The following PATJ variants were observed in gnomAD, a reference collection of about 807,000 sequenced individuals.
PATJ encodes the protein inaD-like protein.
A neutral mutation model predicts 224.9 loss-of-function variants in PATJ; 190 were observed. The observed-to-expected ratio is 0.84, with a 90% CI of 0.75 to 0.95. The LOEUF (loss-of-function observed/expected upper bound fraction) is 0.95. Among genes scored for constraint, PATJ ranks in the 40% least tolerant of loss-of-function variants. The pLI, the probability that PATJ is intolerant of heterozygous loss-of-function variation, is 0.00. For missense variants in PATJ, 2,121 were observed against 2,270.3 expected (o/e 0.93, Z 1.34); for synonymous variants, 769 against 820.3 (o/e 0.94, Z 1.07).
intron 29 of PATJ, among the ~76,000 whole-genome samples, chr1:62,035,650 C>T (rs1299108475): frequency 3.3e-5 from 4 of 122,312 alleles, no homozygotes; most frequent in African/African-American, 6.2e-5. Context: ...TAAGCACAAA[C>T]ACTTGCCAGG....
chr1:61,991,182 A>G (rs908300031), intron 28 of PATJ, among the ~76,000 whole-genome samples: 35 of 151,042 alleles, frequency 2.3e-4, no homozygotes, highest in African/African-American at 5.1e-4. Flanking sequence ...TAAGAAATGC[A>G]ATGATGATGA....
At chr1:61,780,733 C>T (rs1282073476) in intron 7 of PATJ, among the ~76,000 whole-genome samples, 1 of 151,754 alleles carries the variant, frequency 6.6e-6, no homozygotes, top group Non-Finnish European at 1.5e-5. Context: ...AAACAAAATC[C>T]AATAGGTTTC....
chr1:61,953,952 A>G (rs1459165485), intron 27 of PATJ, among the ~76,000 whole-genome samples: 3 of 152,234 alleles, frequency 2.0e-5, no homozygotes, highest in Non-Finnish European at 4.4e-5. Context: ...GCAGTTTTCT[A>G]GAAAGTGAGT....
chr1:61,913,363 C>T (rs1331721152), intron 25 of PATJ, among the ~76,000 whole-genome samples: 2 of 152,176 alleles, frequency 1.3e-5, no homozygotes, highest in African/African-American at 4.8e-5. Context: ...CGCACGCCAA[C>T]ACACCCAGCT....
intron 33 of PATJ, among the ~76,000 whole-genome samples, chr1:62,092,016 G>A (rs181426349): frequency 0.016 from 2,344 of 147,458 alleles, 36 homozygotes; most frequent in Non-Finnish European, 0.022. Context: ...AGATCGCACC[G>A]CTGCACTCCA....
chr1:61,894,193 G>T (rs375746772), intron 22 of PATJ, among the ~76,000 whole-genome samples: 1 of 152,072 alleles, frequency 6.6e-6, no homozygotes, highest in African/African-American at 2.4e-5. Context: ...GGTGGAGGTT[G>T]CAGTGAGCGA....
chr1:61,790,522 T>TG (rs111875085), intron 8 of PATJ, among the ~76,000 whole-genome samples: 3 of 146,994 alleles, frequency 2.0e-5, no homozygotes, highest in Non-Finnish European at 3.0e-5. Flanking sequence ...TTTGTTTTTT[T>TG]TTTTTGTTTG....
intron 21 of PATJ, among the ~76,000 whole-genome samples, chr1:61,876,526 G>T (rs1277724529): frequency 6.6e-6 from 1 of 151,784 alleles, no homozygotes; most frequent in Non-Finnish European, 1.5e-5. Context: ...CACGATTTTG[G>T]ACCAGATGAG....
At chr1:62,060,265 G>A (rs1047903564) in intron 31 of PATJ, among the ~76,000 whole-genome samples, 5 of 152,180 alleles carry the variant, frequency 3.3e-5, no homozygotes, top group South Asian at 2.1e-4. Flanking sequence ...GTTAATGCAC[G>A]TGCTCAAAGA....
chr1:61,855,338 C>T (rs1663482362), intron 17 of PATJ, among the ~76,000 whole-genome samples: 1 of 152,170 alleles, frequency 6.6e-6, no homozygotes, highest in African/African-American at 2.4e-5. Flanking sequence ...GGCACTCAGA[C>T]ATGCCACTGA....
At chr1:62,036,891 A>AAAAAAAAAAAAAAAAAAAT (rs1650508973) in intron 29 of PATJ, among the ~76,000 whole-genome samples, 1 of 145,688 alleles carries the variant, frequency 6.9e-6, no homozygotes, top group Non-Finnish European at 1.5e-5. Context: ...AGAAGGAAGA[A>AAAAAAAAAAAAAAAAAAAT]AGGAAGGAAG....
In PATJ at chr1:61,772,716, A is replaced by G. The variant is rs377560242; in HGVS notation, c.720+1090A>G. 5.9e-4 allele frequency among the ~76,000 whole-genome samples: 90 copies of G among 152,334 alleles called. 2 individuals are homozygous for G. In the East Asian group the frequency reaches 0.014, roughly 24 times the overall value. ...TAAAGTGGGGCATTGTTTAACGTAT[A>G]AAGAACAAGGGCTTTGGAGTCAGGT... On this transcript the variant is annotated intron_variant, in intron 6 of 43. Coordinates refer to ENST00000642238, the MANE Select transcript of PATJ (RefSeq NM_001350145.3).
At chr1:61,935,505 C>CTG in intron 27 of PATJ, among the ~76,000 whole-genome samples, 1 of 152,004 alleles carries the variant, frequency 6.6e-6, no homozygotes, top group African/African-American at 2.4e-5. Context: ...TAAAATTAAC[C>CTG]TGTGTGGCCA....
chr1:62,128,826 T>C lies in PATJ; in HGVS notation c.5167-15T>C. The C allele has an allele frequency of 6.4e-7, 1 of 1,557,590 alleles. No individual in the cohort carries two copies. Among genetic ancestry groups the C allele is most frequent in the South Asian group, 1.1e-5 (1 of 89,580 alleles). ...TCTTAATGATAGTGATTTTCTGTCA[T>C]TTTTGTACTTCCAGGTTGGAGATCG... On this transcript the variant is annotated splice_polypyrimidine_tract_variant and intron_variant, in intron 40 of 43. Transcript: ENST00000642238.
At chr1:62,046,784 G>A (rs1652649039) in intron 30 of PATJ, among the ~76,000 whole-genome samples, 2 of 152,238 alleles carry the variant, frequency 1.3e-5, no homozygotes, top group African/African-American at 4.8e-5. Context: ...TGACATTTGA[G>A]ACCTGGCTTT....
rs187300040 is a variant in PATJ at position 61,812,888 on chromosome 1, G to A, written c.1683+4358G>A. ...AGACACAGCCTCCCGGGTAATCCACGAAAGACCCTGGGGTGTTTACCAGTC... is the reference window on the plus strand; with the variant it reads ...AGACACAGCCTCCCGGGTAATCCACAAAAGACCCTGGGGTGTTTACCAGTC... On this transcript the variant is annotated intron_variant, in intron 14 of 43. Coordinates refer to ENST00000642238, the MANE Select transcript of PATJ (RefSeq NM_001350145.3). Among the ~76,000 whole-genome samples, 40 of 152,070 alleles carry A rather than the reference G, an allele frequency of 2.6e-4. No homozygotes were observed. In the South Asian group the frequency reaches 5.0e-3, roughly 19 times the overall value.
intron 29 of PATJ, among the ~76,000 whole-genome samples, chr1:62,026,630 A>C (rs1398660364): frequency 1.3e-5 from 2 of 152,206 alleles, no homozygotes; most frequent in African/African-American, 4.8e-5. Context: ...TGCTTTTGAT[A>C]AAACGGTATT....
intron 43 of PATJ, among the ~76,000 whole-genome samples, chr1:62,156,302 G>A (rs1033282189): frequency 6.6e-6 from 1 of 152,030 alleles, no homozygotes; most frequent in Non-Finnish European, 1.5e-5. Flanking sequence ...GGCCGAGGCA[G>A]GCTGATCACT....
intron 4 of PATJ, 85 bp downstream of exon 4, chr1:61,766,558 C>T: frequency 1.1e-6 from 1 of 917,598 alleles, no homozygotes. Context: ...ATTCTTTTTG[C>T]TGTAAAATGT....
Sources: allele counts gnomAD v4.1 joint callset (sites outside exome capture counted in the v4.1 genomes callset), GRCh38; gene constraint gnomAD v4.1.1; transcripts MANE v1.5; gene names NCBI Gene and HGNC (gene_info 2026-07-23, HGNC 2026-07-21).